METTL24: variants seen among roughly 807,000 people sequenced by gnomAD.
METTL24 encodes the protein probable methyltransferase-like protein 24.
METTL24 carries 29 observed loss-of-function variants against 32.7 expected under a neutral mutation model. The ratio of observed to expected loss-of-function variants is 0.89; its 90% CI spans 0.66 to 1.21. The LOEUF (loss-of-function observed/expected upper bound fraction) is 1.21, where lower values mean the gene tolerates loss of function less well. METTL24 is among the 50% of genes most tolerant of loss of function. METTL24 has a pLI of 0.00. For missense variants in METTL24, 439 were observed against 468.1 expected (o/e 0.94, Z 0.57); for synonymous variants, 163 against 179.5 (o/e 0.91, Z 0.73).
intron 1 of METTL24, among the ~76,000 whole-genome samples, chr6:110,343,096 CT>C (rs1471305758): frequency 6.6e-6 from 1 of 151,980 alleles, no homozygotes; most frequent in Non-Finnish European, 1.5e-5. Flanking sequence ...TTTCTGAGCA[CT>C]TTTGAACCCT....
At position 110,330,910 on chromosome 6, in the gene METTL24, A is replaced by G. The variant is rs116427695; in HGVS notation, c.319-8038T>C. Among the ~76,000 whole-genome samples the G allele has an allele frequency of 8.3e-3, 1,259 of 152,352 alleles. 23 individuals are homozygous for G. Among genetic ancestry groups the G allele is most frequent in the African/African-American group, 0.029 (1,202 of 41,568 alleles). ...GCATATGAAGAATCAGGAAAATCCC[A>G]ACTTATGTGGGAAAAAGACAATCAG... On this transcript the variant is annotated intron_variant, in intron 1 of 4. Transcript: ENST00000338882.
intron 3 of METTL24, among the ~76,000 whole-genome samples, chr6:110,314,426 G>A (rs565356758): frequency 6.6e-6 from 1 of 151,952 alleles, no homozygotes; most frequent in Non-Finnish European, 1.5e-5. Context: ...CCATTACTTT[G>A]TAGCCATCCT....
chr6:110,291,052 T>C (rs1771309923), intron 4 of METTL24, among the ~76,000 whole-genome samples: 1 of 152,190 alleles, frequency 6.6e-6, no homozygotes, highest in Non-Finnish European at 1.5e-5. Context: ...AATTGAATTG[T>C]TTGTCTCCTC....
intron 4 of METTL24, among the ~76,000 whole-genome samples, chr6:110,265,592 G>C (rs1410224172): frequency 6.6e-6 from 1 of 152,174 alleles, no homozygotes; most frequent in East Asian, 1.9e-4. Context: ...TTTCTAGAAA[G>C]TTTCCTTAAA....
At chr6:110,333,913 C>T (rs1223804877) in intron 1 of METTL24, among the ~76,000 whole-genome samples, 2 of 152,008 alleles carry the variant, frequency 1.3e-5, no homozygotes, top group South Asian at 2.1e-4. Context: ...TTTTATTTTT[C>T]CCATCCACTC....
intron 1 of METTL24, among the ~76,000 whole-genome samples, chr6:110,350,042 G>A (rs751923757): frequency 9.2e-5 from 14 of 152,200 alleles, no homozygotes; most frequent in Non-Finnish European, 1.3e-4. Context: ...TGCATCTGTA[G>A]GGTACAATCC....
At chr6:110,320,964 C>T (rs1049555959) in intron 2 of METTL24, among the ~76,000 whole-genome samples, 1 of 152,108 alleles carries the variant, frequency 6.6e-6, no homozygotes, top group Non-Finnish European at 1.5e-5. Context: ...TGGCCAGGCG[C>T]AGTGGCTCAC....
chr6:110,258,940 A>G (rs1482482107), intron 4 of METTL24, among the ~76,000 whole-genome samples: 1 of 152,198 alleles, frequency 6.6e-6, no homozygotes, highest in Admixed American at 6.5e-5. Flanking sequence ...GACAGCCACA[A>G]TATTTTAGAA....
At chr6:110,281,348 G>A (rs1771132130) in intron 4 of METTL24, among the ~76,000 whole-genome samples, 1 of 152,008 alleles carries the variant, frequency 6.6e-6, no homozygotes, top group South Asian at 2.1e-4. Context: ...ACATCAAATG[G>A]GGTGATTACA....
intron 1 of METTL24, among the ~76,000 whole-genome samples, chr6:110,353,327 T>C (rs1451440268): frequency 6.6e-6 from 1 of 152,226 alleles, no homozygotes; most frequent in East Asian, 1.9e-4. Flanking sequence ...TAGAAACTAC[T>C]GCTGGGCCAT....
chr6:110,310,858 C>T (rs751494883), intron 3 of METTL24, among the ~76,000 whole-genome samples: 4 of 152,220 alleles, frequency 2.6e-5, no homozygotes, highest in Non-Finnish European at 4.4e-5. Flanking sequence ...TTCTGACTCC[C>T]TGTGTCCTTG....
Position 110,307,432 on chromosome 6 carries a change from A to T in METTL24, c.557+7910T>A, listed in dbSNP as rs1582415472. On this transcript the variant is annotated intron_variant, in intron 3 of 4. Transcript: ENST00000338882. ...TTTGCTTGAAAGAAATATTTTATTT[A>T]ATGTTTATTTAATGAGGCAAGAAGT... 1.3e-5 allele frequency among the ~76,000 whole-genome samples: 2 copies of T among 152,358 alleles called. 1 individual carries two copies. Among genetic ancestry groups the T allele is most frequent in the East Asian group, 3.9e-4 (2 of 5,188 alleles).
intron 4 of METTL24, among the ~76,000 whole-genome samples, chr6:110,251,799 C>T (rs561306435): frequency 1.6e-4 from 25 of 152,058 alleles, no homozygotes; most frequent in Non-Finnish European, 3.1e-4. Context: ...CCCATTCATG[C>T]AGGTAGAGCC....
At chr6:110,266,840 G>C (rs1169119269) in intron 4 of METTL24, among the ~76,000 whole-genome samples, 2 of 152,154 alleles carry the variant, frequency 1.3e-5, no homozygotes, top group African/African-American at 4.8e-5. Context: ...TGAAGAAGCA[G>C]AGCAAAATGT....
At chr6:110,334,212 C>T (rs1046954551) in intron 1 of METTL24, among the ~76,000 whole-genome samples, 4 of 152,182 alleles carry the variant, frequency 2.6e-5, no homozygotes, top group Non-Finnish European at 5.9e-5. Context: ...TCTTTGGTGG[C>T]TCTCAGCCCA....
At chr6:110,259,975 C>G (rs1421245879) in intron 4 of METTL24, among the ~76,000 whole-genome samples, 2 of 152,162 alleles carry the variant, frequency 1.3e-5, no homozygotes, top group Non-Finnish European at 2.9e-5. Flanking sequence ...ACGTCACCAT[C>G]ATCAAAGACC....
intron 4 of METTL24, among the ~76,000 whole-genome samples, chr6:110,268,352 G>T (rs781577489): frequency 2.0e-5 from 3 of 152,024 alleles, no homozygotes; most frequent in Non-Finnish European, 4.4e-5. Flanking sequence ...TCAAAACAGG[G>T]GTTCTTGCAG....
intron 1 of METTL24, among the ~76,000 whole-genome samples, chr6:110,350,090 G>C (rs1772563594): frequency 6.6e-6 from 1 of 152,182 alleles, no homozygotes; most frequent in Non-Finnish European, 1.5e-5. Context: ...GTGAAGCCTA[G>C]GTCACATGAA....
intron 3 of METTL24, among the ~76,000 whole-genome samples, chr6:110,305,007 A>G (rs1771602994): frequency 6.6e-6 from 1 of 152,232 alleles, no homozygotes; most frequent in African/African-American, 2.4e-5. Flanking sequence ...GCCAATACTC[A>G]ACATTTTTAA....
Sources: allele counts gnomAD v4.1 joint callset (sites outside exome capture counted in the v4.1 genomes callset), GRCh38; gene constraint gnomAD v4.1.1; transcripts MANE v1.5; gene names NCBI Gene and HGNC (gene_info 2026-07-23, HGNC 2026-07-21).